Variants in GABRA4 observed in about 807,000 individuals in gnomAD.
GABRA4 encodes gamma-aminobutyric acid receptor subunit alpha-4.
A neutral mutation model predicts 49.7 loss-of-function variants in GABRA4; 12 were observed. The ratio of observed to expected loss-of-function variants is 0.24; its 90% CI spans 0.15 to 0.39. GABRA4 has a LOEUF of 0.39. Ranked by LOEUF, GABRA4 falls within the 10% of genes least tolerant of loss-of-function variation. The pLI is 1.00. For synonymous variants in GABRA4, 288 were observed against 240.2 expected (o/e 1.20, Z -1.84); for missense variants, 506 against 686.0 (o/e 0.74, Z 2.93).
chr4:46,985,037 G>A (rs1326293224), intron 2 of GABRA4, among the ~76,000 whole-genome samples: 1 of 151,962 alleles, frequency 6.6e-6, no homozygotes, highest in Non-Finnish European at 1.5e-5. Context: ...TGCCAACAGA[G>A]CAGATGAATA....
chr4:46,989,046 A>T (rs897911957), intron 2 of GABRA4, among the ~76,000 whole-genome samples: 2 of 152,244 alleles, frequency 1.3e-5, no homozygotes, highest in African/African-American at 4.8e-5. Context: ...TAACCTTACA[A>T]AATTGACTCA....
At chr4:46,979,212 T>C (rs1190301403) in intron 2 of GABRA4, 114 bp from the exon 3 acceptor site, 1 of 643,546 alleles carries the variant, frequency 1.6e-6, no homozygotes, top group African/African-American at 1.9e-5. Context: ...TTTACAAGCA[T>C]CTTACATTTT....
intron 2 of GABRA4, among the ~76,000 whole-genome samples, chr4:46,979,910 G>A (rs1182686241): frequency 6.6e-6 from 1 of 152,080 alleles, no homozygotes; most frequent in Non-Finnish European, 1.5e-5. Context: ...TTTGGCAGAA[G>A]AGAAATGTGG....
intron 8 of GABRA4, among the ~76,000 whole-genome samples, chr4:46,942,501 T>C (rs1721838798): frequency 6.6e-6 from 1 of 151,974 alleles, no homozygotes; most frequent in South Asian, 2.1e-4. Flanking sequence ...GGTGCACACC[T>C]GTAATCCCAG....
chr4:46,989,123 C>A (rs1023901209), intron 2 of GABRA4, among the ~76,000 whole-genome samples: 3 of 152,260 alleles, frequency 2.0e-5, no homozygotes, highest in African/African-American at 7.2e-5. Flanking sequence ...GTATTTGGAA[C>A]GTTTATTATT....
chr4:46,951,879 A>ATACAGT (rs1722186747), intron 8 of GABRA4, among the ~76,000 whole-genome samples: 1 of 151,776 alleles, frequency 6.6e-6, no homozygotes. Flanking sequence ...TACTTAGAAA[A>ATACAGT]ACTTTTCAGG....
Position 46,929,511 on chromosome 4 carries a change from C to T in GABRA4, c.1135-756G>A, listed in dbSNP as rs1721353131. 5.9e-5 allele frequency among the ~76,000 whole-genome samples: 9 copies of T among 152,168 alleles called. No individual in the cohort carries two copies. In the South Asian group the frequency reaches 1.9e-3, roughly 32 times the overall value. On this transcript the variant is annotated intron_variant, in intron 8 of 8. Coordinates refer to ENST00000264318, the MANE Select transcript of GABRA4 (RefSeq NM_000809.4). ...AGAGTGATTAAATTGAAATATTTCACTGCTTTTCAGCAAATTATTTTGTTT... is the reference window on the plus strand; with the variant it reads ...AGAGTGATTAAATTGAAATATTTCATTGCTTTTCAGCAAATTATTTTGTTT...
At position 46,926,169 on chromosome 4, in the gene GABRA4, C is replaced by T. The variant is rs369767822; in HGVS notation, c.*2056G>A. The stretch of plus-strand genomic sequence containing the variant: ...CCAGCATAGTTCCTGGAACAAAGTA[C>T]GCTCTGAATAACTAGTAGCGAATGA... On this transcript the variant is annotated 3_prime_UTR_variant, in exon 9 of 9. Transcript: ENST00000264318. The T allele has an allele frequency of 7.2e-5, 11 of 151,976 alleles. No individual in the cohort carries two copies. In the East Asian group the frequency reaches 9.7e-4, roughly 13 times the overall value. 9.4% of individuals were successfully genotyped at this position (151,976 alleles called of 1,614,324 possible).
rs571420684 is a variant in GABRA4 at position 46,948,408 on chromosome 4, C to T, written c.1134+16562G>A. The stretch of plus-strand genomic sequence containing the variant: ...AATCTGATTGTGGGGAGCATTCAAA[C>T]TAGGGAAGAATATTATGGTGAGCTA... On this transcript the variant is annotated intron_variant, in intron 8 of 8. Transcript: ENST00000264318. 1.9e-4 allele frequency among the ~76,000 whole-genome samples: 29 copies of T among 152,190 alleles called. No homozygotes were observed. In the South Asian group the frequency reaches 6.0e-3, roughly 32 times the overall value.
Position 46,928,407 on chromosome 4 carries a change from C to A in GABRA4, c.1483G>T (p.Ala495Ser). ...GGAGTAGCTGACAACTTCCCAGTAG[C>A]CCCTATGGTATTAACTGTGGTCTTT... ...RIKTTVNTIG[A>S]TGKLSATPPP... The change falls in exon 9 of 9, where the codon GCT (alanine) becomes TCT (serine). Residue 495 changes from alanine to serine, a missense_variant. By Grantham distance (99) the Ala-to-Ser change is moderately conservative. Transcript: ENST00000264318. 6.2e-7 allele frequency: 1 copy of A among 1,613,622 alleles called. No homozygotes were observed. The highest frequency in any genetic ancestry group is 1.1e-5 in the South Asian group (1 of 91,076).
At chr4:46,940,271 AT>A (rs1233282871) in intron 8 of GABRA4, among the ~76,000 whole-genome samples, 4 of 152,014 alleles carry the variant, frequency 2.6e-5, no homozygotes, top group African/African-American at 9.7e-5. Context: ...TGATTGAAAC[AT>A]TTTTCCTTTG....
chr4:46,944,719 G>T (rs554539044), intron 8 of GABRA4, among the ~76,000 whole-genome samples: 93 of 152,084 alleles, frequency 6.1e-4, no homozygotes, highest in Non-Finnish European at 1.1e-3. Context: ...TCCTTTGAAA[G>T]GTTTATTCTG....
chr4:46,984,544 C>T (rs914743439), intron 2 of GABRA4, among the ~76,000 whole-genome samples: 1 of 151,860 alleles, frequency 6.6e-6, no homozygotes, highest in Non-Finnish European at 1.5e-5. Context: ...CAATCCTGGT[C>T]TACTTTGTAA....
At chr4:46,940,332 T>A (rs1721747164) in intron 8 of GABRA4, among the ~76,000 whole-genome samples, 1 of 152,094 alleles carries the variant, frequency 6.6e-6, no homozygotes, top group Admixed American at 6.6e-5. Flanking sequence ...AGAGAAGGTA[T>A]CAACATGAGC....
At chr4:46,952,267 C>G (rs937548135) in intron 8 of GABRA4, among the ~76,000 whole-genome samples, 1 of 151,866 alleles carries the variant, frequency 6.6e-6, no homozygotes, top group Non-Finnish European at 1.5e-5. Context: ...GATTATTCAT[C>G]GTGGCAGCAA....
At chr4:46,959,269 T>C (rs149206027) in intron 8 of GABRA4, among the ~76,000 whole-genome samples, 1 of 152,024 alleles carries the variant, frequency 6.6e-6, no homozygotes, top group African/African-American at 2.4e-5. Flanking sequence ...ATCAGGAGGA[T>C]GGGTGGGCCA....
At chr4:46,939,904 G>T (rs1052805133) in intron 8 of GABRA4, among the ~76,000 whole-genome samples, 1 of 151,932 alleles carries the variant, frequency 6.6e-6, no homozygotes, top group African/African-American at 2.4e-5. Flanking sequence ...CTGTCATGAA[G>T]TGCTTATAGA....
chr4:46,931,236 T>C (rs1330750843), intron 8 of GABRA4, among the ~76,000 whole-genome samples: 1 of 152,112 alleles, frequency 6.6e-6, no homozygotes, highest in Non-Finnish European at 1.5e-5. Flanking sequence ...TGTTTCCACC[T>C]GCTGCACTAG....
rs1049763099 is a variant in GABRA4 at position 46,928,068 on chromosome 4, G to A, written c.*157C>T. ...AAACATAGTTCACTTTTTCACTCAG[G>A]AATTAATTAACTCTCCCAATAACTG... On this transcript the variant is annotated 3_prime_UTR_variant, in exon 9 of 9. Transcript: ENST00000264318. The A allele has an allele frequency of 2.3e-5, 14 of 610,806 alleles. No homozygotes were observed. In the East Asian group the frequency reaches 4.2e-4, roughly 18 times the overall value. 37.8% of individuals were successfully genotyped at this position (610,806 alleles called of 1,614,324 possible).
Sources: gnomAD v4.1 joint callset for allele counts (sites outside exome capture counted in the v4.1 genomes callset) on GRCh38, gnomAD v4.1.1 for gene constraint, MANE v1.5 for transcripts, NCBI Gene and HGNC (gene_info 2026-07-23, HGNC 2026-07-21) for gene names.